Variants in UNC13C observed in about 807,000 individuals in gnomAD.
The protein encoded by UNC13C is unc-13 homolog C, also known as protein unc-13 homolog C.
Under a neutral mutation model 245.4 loss-of-function variants are expected in UNC13C, and 174 were observed. That is an observed-to-expected ratio of 0.71 (90% CI 0.63 to 0.80). The LOEUF (loss-of-function observed/expected upper bound fraction) is 0.80. Among genes scored for constraint, UNC13C ranks in the 30% least tolerant of loss-of-function variants. The pLI is 0.00. For missense variants in UNC13C, 2,829 were observed against 2,602.9 expected (o/e 1.09, Z -1.89); for synonymous variants, 992 against 895.1 (o/e 1.11, Z -1.93).
the UNC13C span, among the ~76,000 whole-genome samples, chr15:53,917,647 A>G: frequency 2.6e-5 from 4 of 152,076 alleles, no homozygotes; most frequent in Admixed American, 2.0e-4. Flanking sequence ...CCTCTTTTCT[A>G]TCTCCTCCTC....
In UNC13C at chr15:54,455,221, A is replaced by C. The variant is rs1440726573; in HGVS notation, c.4934-39387A>C. Among the ~76,000 whole-genome samples the C allele has an allele frequency of 7.5e-4, 55 of 73,492 alleles. 2 individuals are homozygous for C. The highest frequency in any genetic ancestry group is 3.0e-3 in the South Asian group (5 of 1,686). 48.2% of individuals were successfully genotyped at this position (73,492 alleles called of 152,430 possible). A position where few individuals can be genotyped will look rare whatever the true frequency, so the allele number is the denominator to read the frequency against. ...TCTCTCTCTCTATATATATATATAT[A>C]TATATATATATATATATGTTTTTTA... On this transcript the variant is annotated intron_variant, in intron 19 of 32. Transcript: ENST00000260323.
intron 19 of UNC13C, 93 bp from the exon 20 acceptor site, chr15:54,494,515 C>G: frequency 8.0e-7 from 1 of 1,246,196 alleles, no homozygotes; most frequent in Non-Finnish European, 1.1e-6. Context: ...TATTTTCTTC[C>G]TTTTAGAAAT....
At chr15:54,586,374 G>A (rs28700983) in intron 30 of UNC13C, among the ~76,000 whole-genome samples, 7,282 of 152,190 alleles carry the variant, frequency 0.048, 592 homozygotes, top group African/African-American at 0.17. Flanking sequence ...GGTGCCAGTG[G>A]GCTTGGTTTT....
chr15:54,111,945 T>G (rs1900799082), intron 2 of UNC13C, among the ~76,000 whole-genome samples: 1 of 152,082 alleles, frequency 6.6e-6, no homozygotes, highest in African/African-American at 2.4e-5. Context: ...TAGAGAACCT[T>G]TTGCCACAGA....
At chr15:53,908,572 TACAAACAA>T in the UNC13C span, among the ~76,000 whole-genome samples, 6 of 142,940 alleles carry the variant, frequency 4.2e-5, 1 homozygote, top group East Asian at 1.0e-3. Context: ...ACCTTGTCTC[TACAAACAA>T]ACAAACAAAC....
At chr15:53,849,783 T>C in the UNC13C span, among the ~76,000 whole-genome samples, 2 of 152,198 alleles carry the variant, frequency 1.3e-5, no homozygotes, top group African/African-American at 4.8e-5. Flanking sequence ...GGAGATGACA[T>C]TACAGGGGCT....
chr15:53,927,480 G>A, the UNC13C span, among the ~76,000 whole-genome samples: 1 of 152,324 alleles, frequency 6.6e-6, no homozygotes, highest in South Asian at 2.1e-4. Flanking sequence ...TGGACTGACT[G>A]TAGAGTGTAA....
At chr15:53,958,019 A>C in the UNC13C span, among the ~76,000 whole-genome samples, 1 of 152,046 alleles carries the variant, frequency 6.6e-6, no homozygotes, top group Non-Finnish European at 1.5e-5. Context: ...AGATTGAGAT[A>C]ATTTTGTTCT....
intron 4 of UNC13C, among the ~76,000 whole-genome samples, chr15:54,151,838 G>T (rs10083576): frequency 0.92 from 138,823 of 150,754 alleles, 64,549 homozygotes; most frequent in Non-Finnish European, 0.99. Context: ...GTTCCATAAT[G>T]GATCTACACA....
chr15:54,196,547 C>A (rs937502652), intron 4 of UNC13C, among the ~76,000 whole-genome samples: 1 of 152,112 alleles, frequency 6.6e-6, no homozygotes, highest in Admixed American at 6.6e-5. Context: ...AAGTTGCAGA[C>A]CATGTTCACT....
chr15:54,521,165 A>T (rs1271663525), intron 24 of UNC13C, among the ~76,000 whole-genome samples: 1 of 152,192 alleles, frequency 6.6e-6, no homozygotes, highest in Non-Finnish European at 1.5e-5. Flanking sequence ...ATTTTTATTT[A>T]TTAATGTTTT....
At chr15:54,115,041 A>C (rs2030130895) in intron 2 of UNC13C, among the ~76,000 whole-genome samples, 1 of 152,054 alleles carries the variant, frequency 6.6e-6, no homozygotes, top group African/African-American at 2.4e-5. Context: ...TTTATTATAG[A>C]TGCCAATCCT....
At chr15:54,114,590 C>T (rs1376178153) in intron 2 of UNC13C, among the ~76,000 whole-genome samples, 2 of 152,134 alleles carry the variant, frequency 1.3e-5, no homozygotes, top group Admixed American at 1.3e-4. Flanking sequence ...TATCCATTCC[C>T]TATCAATAGG....
At chr15:54,157,103 G>C (rs2032782105) in intron 4 of UNC13C, among the ~76,000 whole-genome samples, 1 of 152,180 alleles carries the variant, frequency 6.6e-6, no homozygotes, top group Non-Finnish European at 1.5e-5. Flanking sequence ...GTACAAGCCA[G>C]CCATAGGTTA....
At chr15:54,115,283 G>T (rs913094106) in intron 2 of UNC13C, among the ~76,000 whole-genome samples, 4 of 151,968 alleles carry the variant, frequency 2.6e-5, no homozygotes, top group Non-Finnish European at 4.4e-5. Flanking sequence ...ATGTATTTGG[G>T]TATATGCTTT....
At chr15:54,147,053 T>C (rs756716355) in intron 4 of UNC13C, among the ~76,000 whole-genome samples, 2 of 152,090 alleles carry the variant, frequency 1.3e-5, no homozygotes, top group Non-Finnish European at 2.9e-5. Flanking sequence ...TGGGAGCAGC[T>C]TGGGGAGGGT....
the UNC13C span, among the ~76,000 whole-genome samples, chr15:53,945,205 C>A: frequency 2.0e-5 from 3 of 152,050 alleles, no homozygotes; most frequent in Non-Finnish European, 4.4e-5. Context: ...TGTGTTTACT[C>A]TGTTGATATT....
chr15:53,981,756 G>T (rs1013150190), intron 1 of UNC13C, among the ~76,000 whole-genome samples: 2 of 152,074 alleles, frequency 1.3e-5, no homozygotes, highest in Non-Finnish European at 2.9e-5. Flanking sequence ...GTCTTTTAAG[G>T]CATAGGAAGG....
chr15:54,091,585 T>C (rs937134628), intron 2 of UNC13C, among the ~76,000 whole-genome samples: 2 of 152,152 alleles, frequency 1.3e-5, no homozygotes, highest in African/African-American at 4.8e-5. Flanking sequence ...TCCTATTTGT[T>C]GATGTGTTTA....
Sources: allele counts gnomAD v4.1 joint callset (sites outside exome capture counted in the v4.1 genomes callset), GRCh38; gene constraint gnomAD v4.1.1; transcripts MANE v1.5; gene names NCBI Gene and HGNC (gene_info 2026-07-23, HGNC 2026-07-21).